Variants in AP1S1 observed in about 807,000 individuals in gnomAD.
AP1S1 encodes AP-1 complex subunit sigma-1A.
AP1S1 carries 13 observed loss-of-function variants against 23.9 expected under a neutral mutation model. The observed-to-expected ratio is 0.54, with a 90% CI of 0.35 to 0.86. The LOEUF is 0.86. Ranked by LOEUF, AP1S1 falls within the 40% of genes least tolerant of loss-of-function variation. The pLI, the probability that AP1S1 is intolerant of heterozygous loss-of-function variation, is 0.01. For synonymous variants in AP1S1, 84 were observed against 77.7 expected (o/e 1.08, Z -0.43); for missense variants, 119 against 197.6 (o/e 0.60, Z 2.38).
intron 4 of AP1S1, chr7:101,159,618 CTTT>C (rs768394145): frequency 1.8e-4 from 27 of 145,946 alleles, no homozygotes; most frequent in South Asian, 9.5e-4. Flanking sequence ...TTTTTTTTTT[CTTT>C]TTTTTTTTTT....
In AP1S1 at chr7:101,156,710, G is replaced by T; in HGVS notation, c.120G>T (p.Leu40=). 6.2e-7 allele frequency: 1 copy of T among 1,606,346 alleles called. No homozygotes were observed. Among genetic ancestry groups the T allele is most frequent in the South Asian group, 1.1e-5 (1 of 89,338 alleles). Residue 40 remains leucine (L), a synonymous_variant, in exon 2 of 5, where the codon CTG becomes CTT. Transcript: ENST00000337619. Reference sequence around the variant, plus strand: ...TGCGCGAGCTCATGCAGGTTGTCCTGGCTCGAAAGCCCAAGATGTGCAGCT... The same window carrying T: ...TGCGCGAGCTCATGCAGGTTGTCCTTGCTCGAAAGCCCAAGATGTGCAGCT... ...KMVRELMQVV[L]ARKPKMCSFL...
At chr7:101,154,637 TC>T in intron 1 of AP1S1, 120 bp downstream of exon 1, 1 of 1,139,260 alleles carries the variant, frequency 8.8e-7, no homozygotes, top group Non-Finnish European at 1.1e-6. Context: ...CTCAGAGGCC[TC>T]CCTTGCCTCG....
At position 101,157,505 on chromosome 7, in the gene AP1S1, C is replaced by A; in HGVS notation, c.291+20C>A. 1 of 1,519,686 alleles carries A rather than the reference C, an allele frequency of 6.6e-7. No individual in the cohort carries two copies. Among genetic ancestry groups the A allele is most frequent in the Non-Finnish European group, 8.9e-7 (1 of 1,117,822 alleles). The allele number at this position is 1,519,686 out of a possible 1,614,324, so 94.1% of individuals were successfully genotyped here. On this transcript the variant is annotated intron_variant, in intron 3 of 4. Transcript: ENST00000337619. Reference sequence around the variant, plus strand: ...GGCAGTGTAAGTCTCCTCTGCCCACCAGTTTCCATTCCCAGCAATCCCCTT... The same window carrying A: ...GGCAGTGTAAGTCTCCTCTGCCCACAAGTTTCCATTCCCAGCAATCCCCTT...
At position 101,159,169 on chromosome 7, in the gene AP1S1, C is replaced by T. The variant is rs1338157259; in HGVS notation, c.402C>T (p.Ala134=). ...CCTCCAAGAAGAGTGTGCTGAAAGCCATCGAGCAGGCTGACCTACTGCAAG... is the reference window on the plus strand; with the variant it reads ...CCTCCAAGAAGAGTGTGCTGAAAGCTATCGAGCAGGCTGACCTACTGCAAG... ...QDTSKKSVLK[A]IEQADLLQEE... Residue 134 remains alanine, a synonymous_variant, in exon 4 of 5, where the codon GCC becomes GCT. Transcript: ENST00000337619. The T allele has an allele frequency of 2.5e-5, 40 of 1,613,128 alleles. No individual in the cohort carries two copies. The highest frequency in any genetic ancestry group is 3.4e-5 in the Non-Finnish European group (40 of 1,179,638).
intron 4 of AP1S1, chr7:101,159,592 TCTTCC>T: frequency 5.5e-6 from 1 of 180,432 alleles, no homozygotes; most frequent in Non-Finnish European, 1.1e-5. Flanking sequence ...TTCCCTGATT[TCTTCC>T]CCCACCTCTC....
At chr7:101,154,663 C>A in intron 1 of AP1S1, 146 bp downstream of exon 1, 1 of 666,924 alleles carries the variant, frequency 1.5e-6, no homozygotes, top group Non-Finnish European at 1.9e-6. Context: ...GTGGGCGAGC[C>A]GGGCTCGGGA....
In AP1S1 at chr7:101,156,583, A is replaced by G. The variant is rs146333094; in HGVS notation, c.4-11A>G. ...TGGTTACCCTCGGTTCTGCCCTCCC[A>G]TCCCCCACAGATGCGGTTCATGCTA... is the stretch of plus-strand genomic sequence containing the variant. On this transcript the variant is annotated splice_polypyrimidine_tract_variant and intron_variant, in intron 1 of 4. Coordinates refer to ENST00000337619, the MANE Select transcript of AP1S1 (RefSeq NM_001283.5). 5.9e-4 allele frequency: 946 copies of G among 1,608,464 alleles called. 5 individuals carry two copies. In the East Asian group the frequency reaches 0.015, roughly 25 times the overall value.
chr7:101,158,640 G>A (rs1195228244), intron 3 of AP1S1, among the ~76,000 whole-genome samples: 2 of 152,248 alleles, frequency 1.3e-5, no homozygotes, highest in Non-Finnish European at 2.9e-5. Context: ...GGTGGCTCAC[G>A]CCTGTGATCC....
intron 4 of AP1S1, 45 bp downstream of exon 4, chr7:101,159,241 C>T (rs753278762): frequency 1.1e-5 from 18 of 1,568,618 alleles, no homozygotes; most frequent in Admixed American, 3.8e-5. Context: ...CGCACAGTGG[C>T]GGACAGGGTC....
chr7:101,157,325 C>T, intron 2 of AP1S1, 52 bp from the exon 3 acceptor site: 1 of 1,445,540 alleles, frequency 6.9e-7, no homozygotes. Context: ...GACCAGAATG[C>T]CTGGGTCCTG....
At chr7:101,159,742 C>T (rs934511689) in intron 4 of AP1S1, among the ~76,000 whole-genome samples, 3 of 151,798 alleles carry the variant, frequency 2.0e-5, no homozygotes, top group East Asian at 1.9e-4. Flanking sequence ...CCAGCGCCCC[C>T]GCCCTCACCC....
chr7:101,157,960 A>ATTT (rs1012735480), intron 3 of AP1S1, among the ~76,000 whole-genome samples: 1 of 146,696 alleles, frequency 6.8e-6, no homozygotes, highest in African/African-American at 2.5e-5. Flanking sequence ...TAATTTTTGT[A>ATTT]TTTTTTTTTT....
chr7:101,155,623 G>A (rs1796980794), intron 1 of AP1S1, among the ~76,000 whole-genome samples: 1 of 152,204 alleles, frequency 6.6e-6, no homozygotes, highest in Non-Finnish European at 1.5e-5. Context: ...TAGGATTTGG[G>A]CATCTGCATA....
intron 1 of AP1S1, among the ~76,000 whole-genome samples, chr7:101,155,804 A>T (rs1211244917): frequency 2.0e-5 from 3 of 152,140 alleles, no homozygotes; most frequent in Non-Finnish European, 4.4e-5. Flanking sequence ...ATGGTGATGG[A>T]TAGAGAGAGG....
In AP1S1 at chr7:101,156,586, C is replaced by A; in HGVS notation, c.4-8C>A. 6.2e-7 allele frequency: 1 copy of A among 1,608,798 alleles called. No individual in the cohort carries two copies. Among genetic ancestry groups the A allele is most frequent in the Non-Finnish European group, 8.5e-7 (1 of 1,177,148 alleles). On this transcript the variant is annotated splice_polypyrimidine_tract_variant and splice_region_variant and intron_variant, in intron 1 of 4. Coordinates refer to ENST00000337619, the MANE Select transcript of AP1S1 (RefSeq NM_001283.5). ...TTACCCTCGGTTCTGCCCTCCCATC[C>A]CCCACAGATGCGGTTCATGCTATTA...
chr7:101,156,102 C>T (rs1338448563), intron 1 of AP1S1, among the ~76,000 whole-genome samples: 6 of 152,068 alleles, frequency 3.9e-5, no homozygotes, highest in Admixed American at 2.6e-4. Context: ...CGTGATGGCA[C>T]GTGACTGTAA....
intron 1 of AP1S1, among the ~76,000 whole-genome samples, chr7:101,155,360 C>T (rs1299598794): frequency 6.6e-6 from 1 of 152,172 alleles, no homozygotes; most frequent in Non-Finnish European, 1.5e-5. Flanking sequence ...GTGGCCCAGA[C>T]CCCCCGGAAC....
At chr7:101,154,652 G>T in intron 1 of AP1S1, 135 bp downstream of exon 1, 1 of 1,268,656 alleles carries the variant, frequency 7.9e-7, no homozygotes, top group Non-Finnish European at 1.0e-6. Flanking sequence ...TGCCTCGGCG[G>T]GTGGGCGAGC....
intron 3 of AP1S1, among the ~76,000 whole-genome samples, chr7:101,158,070 G>A (rs1053513839): frequency 2.0e-5 from 3 of 152,102 alleles, no homozygotes; most frequent in African/African-American, 2.4e-5. Flanking sequence ...GATTATAGGC[G>A]TGAGCCACTG....
Sources: allele counts gnomAD v4.1 joint callset (sites outside exome capture counted in the v4.1 genomes callset), GRCh38; gene constraint gnomAD v4.1.1; transcripts MANE v1.5; gene names NCBI Gene and HGNC (gene_info 2026-07-23, HGNC 2026-07-21).